The following DMXL1 variants were observed in gnomAD, a reference collection of about 807,000 sequenced individuals.
DMXL1 encodes the protein dmX-like protein 1.
DMXL1 carries 99 observed loss-of-function variants against 319.2 expected under a neutral mutation model. That is an observed-to-expected ratio of 0.31 (90% CI 0.26 to 0.37). DMXL1 has a LOEUF of 0.37. Among genes scored for constraint, DMXL1 ranks in the 10% least tolerant of loss-of-function variants. DMXL1 has a pLI of 1.00. For missense variants in DMXL1, 3,745 were observed against 3,595.6 expected (o/e 1.04, Z -1.06); for synonymous variants, 1,385 against 1,235.2 (o/e 1.12, Z -2.54).
In DMXL1 at chr5:119,229,855, C is replaced by A. The variant is rs1313049130; in HGVS notation, c.8339-3485C>A. Among the ~76,000 whole-genome samples, 4 of 152,108 alleles carry A rather than the reference C, an allele frequency of 2.6e-5. No homozygotes were observed. The East Asian group carries it at 7.7e-4, about 29-fold the overall frequency. On this transcript the variant is annotated intron_variant, in intron 38 of 43. Coordinates refer to ENST00000539542, the MANE Select transcript of DMXL1 (RefSeq NM_001290321.3). ...CTTTCATAATTTACAGAAGCATGTT[C>A]TTTTTCATAGTATAGTTTTTCAGTG... is the stretch of plus-strand genomic sequence containing the variant.
chr5:119,224,984 TG>T (rs1197955069), intron 38 of DMXL1, among the ~76,000 whole-genome samples: 1 of 152,044 alleles, frequency 6.6e-6, no homozygotes, highest in Non-Finnish European at 1.5e-5. Flanking sequence ...GCTGATTTAA[TG>T]AAGTAAATTT....
chr5:119,129,331 T>C lies in DMXL1; in HGVS notation c.1223T>C (p.Val408Ala), dbSNP rs1464350844. The C allele has an allele frequency of 6.2e-7, 1 of 1,613,618 alleles. No homozygotes were observed. The highest frequency in any genetic ancestry group is 1.3e-5 in the African/African-American group (1 of 74,876). Residue 408 changes from valine (V) to alanine (A), a missense_variant, in exon 10 of 44, where the codon GTT becomes GCT. Around this residue, in one of 4 missense-constraint regions of DMXL1, gnomAD observed 2,096 missense variants for 1,985.4 expected, o/e 1.06. Transcript: ENST00000539542. ...KELHFTLSME[V>A]FLQQLRKSFE... ...CTGCATTTTACTTTGTCCATGGAAGTTTTTTTACAGCAACTTAGAAAAAGT... is the reference window on the plus strand; with the variant it reads ...CTGCATTTTACTTTGTCCATGGAAGCTTTTTTACAGCAACTTAGAAAAAGT...
chr5:119,096,177 AT>A (rs74454483), intron 1 of DMXL1, among the ~76,000 whole-genome samples: 59,253 of 141,898 alleles, frequency 0.42, 13,117 homozygotes, highest in East Asian at 0.91. Flanking sequence ...ATGAAGTATA[AT>A]TTTTTTTTTT....
At chr5:119,196,515 G>GTTT (rs537016412) in intron 31 of DMXL1, 59 bp downstream of exon 31, 2,496 of 557,884 alleles carry the variant, frequency 4.5e-3, no homozygotes, top group South Asian at 8.8e-3. Flanking sequence ...CTACTCTGTT[G>GTTT]TTTTTTTTTT....
intron 1 of DMXL1, among the ~76,000 whole-genome samples, chr5:119,074,978 G>A (rs900131039): frequency 1.3e-5 from 2 of 152,006 alleles, no homozygotes; most frequent in African/African-American, 4.8e-5. Context: ...TATTCATAGA[G>A]TTGCTACATG....
At chr5:119,098,571 A>G (rs1756519016) in intron 2 of DMXL1, among the ~76,000 whole-genome samples, 3 of 152,238 alleles carry the variant, frequency 2.0e-5, no homozygotes, top group Admixed American at 2.0e-4. Context: ...TAAGCCCATA[A>G]GAAAAGTGAA....
At chr5:119,220,740 C>A in intron 36 of DMXL1, 147 bp downstream of exon 36, 1 of 1,191,884 alleles carries the variant, frequency 8.4e-7, no homozygotes, top group Non-Finnish European at 1.2e-6. Context: ...GTGGCAAGAG[C>A]TTTAAATAAG....
chr5:119,175,233 TTAAAG>T (rs780493142), intron 25 of DMXL1, 23 bp from the exon 26 acceptor site: 16 of 1,573,300 alleles, frequency 1.0e-5, no homozygotes, highest in South Asian at 4.6e-5. Context: ...AAGGTTATAC[TTAAAG>T]TAATTTTGTT....
chr5:119,247,750 A>G lies in DMXL1; in HGVS notation c.*531A>G, dbSNP rs17145034. 0.056 allele frequency: 8,478 copies of G among 152,752 alleles called. 712 individuals are homozygous for G. Among genetic ancestry groups the G allele is most frequent in the African/African-American group, 0.18 (7,511 of 41,482 alleles). 9.5% of individuals were successfully genotyped at this position (152,752 alleles called of 1,614,324 possible). The stretch of plus-strand genomic sequence containing the variant: ...AGTGATAAATGAGCTAGATGGCTCA[A>G]TATGTAAGGTTTTCAGTAGTTTACC... On this transcript the variant is annotated 3_prime_UTR_variant, in exon 44 of 44. Coordinates refer to ENST00000539542, the MANE Select transcript of DMXL1 (RefSeq NM_001290321.3).
chr5:119,193,069 T>C (rs1778976243), intron 29 of DMXL1, among the ~76,000 whole-genome samples: 2 of 152,200 alleles, frequency 1.3e-5, no homozygotes, highest in South Asian at 4.1e-4. Context: ...CTGTTTTAGT[T>C]ACTGATGTCT....
At chr5:119,179,017 A>C (rs1049687167) in intron 28 of DMXL1, among the ~76,000 whole-genome samples, 2 of 152,204 alleles carry the variant, frequency 1.3e-5, no homozygotes, top group Non-Finnish European at 2.9e-5. Context: ...AAACATTTCA[A>C]ATTAGGCTGC....
rs745588106 is a variant in DMXL1, at chr5:119,171,898, C to A, written c.6610C>A (p.Leu2204Met). The change falls in exon 25 of 44, where the codon CTG becomes ATG. Residue 2204 changes from leucine to methionine, a missense_variant. Around this residue, in one of 4 missense-constraint regions of DMXL1, gnomAD observed 1,382 missense variants for 1,269.5 expected, o/e 1.09. Transcript: ENST00000539542. ...VANPLLHLSN[L>M]THDILHAIIN... ...CAATCCATTATTGCACCTTAGTAAT[C>A]TGACACATGATATTCTCCATGCCAT... 3.1e-6 allele frequency: 5 copies of A among 1,613,908 alleles called. No individual in the cohort carries two copies. In the East Asian group the frequency reaches 1.1e-4, roughly 36 times the overall value.
At chr5:119,196,970 A>G (rs1779751859) in intron 31 of DMXL1, among the ~76,000 whole-genome samples, 1 of 152,198 alleles carries the variant, frequency 6.6e-6, no homozygotes, top group African/African-American at 2.4e-5. Flanking sequence ...CCGTAGTAGT[A>G]AATCAGTAGG....
In DMXL1 at chr5:119,148,960, A is replaced by G. The variant is rs750882680; in HGVS notation, c.3133A>G (p.Arg1045Gly). Residue 1045 changes from arginine (R) to glycine (G), a missense_variant, in exon 18 of 44, where the codon AGG (arginine) becomes GGG (glycine). Physicochemically the swap from Arg to Gly is moderately radical, Grantham distance 125. Around this residue, in one of 4 missense-constraint regions of DMXL1, gnomAD observed 2,096 missense variants for 1,985.4 expected, o/e 1.06. Coordinates refer to ENST00000539542, the MANE Select transcript of DMXL1 (RefSeq NM_001290321.3). ...QSNSSITVPG[R>G]PVEVSCAHTN... Reference sequence around the variant, plus strand: ...CAATAGTAGTATAACTGTACCTGGTAGGCCTGTAGAAGTTAGCTGTGCACA... The same window carrying G: ...CAATAGTAGTATAACTGTACCTGGTGGGCCTGTAGAAGTTAGCTGTGCACA... 24 of 1,613,838 alleles carry G rather than the reference A, an allele frequency of 1.5e-5. No individual in the cohort carries two copies. The highest frequency in any genetic ancestry group is 1.6e-4 in the Middle Eastern group (1 of 6,082).
intron 9 of DMXL1, 135 bp downstream of exon 9, chr5:119,121,274 T>C: frequency 1.8e-5 from 11 of 623,420 alleles, no homozygotes; most frequent in Non-Finnish European, 2.4e-5. Context: ...TTTTTTTTTC[T>C]TTTTTTTTAA....
chr5:119,123,324 G>C (rs957598318), intron 9 of DMXL1, among the ~76,000 whole-genome samples: 1 of 127,494 alleles, frequency 7.8e-6, no homozygotes, highest in African/African-American at 2.6e-5. Flanking sequence ...GTGGAAAGGG[G>C]AGAGGGAGAG....
At chr5:119,161,961 T>A (rs981724277) in intron 19 of DMXL1, among the ~76,000 whole-genome samples, 2 of 152,216 alleles carry the variant, frequency 1.3e-5, no homozygotes, top group Non-Finnish European at 2.9e-5. Flanking sequence ...CTTTCTTTGT[T>A]TCTACGCAAC....
chr5:119,187,788 G>T (rs183579406), intron 28 of DMXL1, among the ~76,000 whole-genome samples: 1 of 151,962 alleles, frequency 6.6e-6, no homozygotes, highest in Non-Finnish European at 1.5e-5. Context: ...TCAGCCTCCC[G>T]AGTAGCTGGG....
intron 37 of DMXL1, among the ~76,000 whole-genome samples, chr5:119,224,322 C>A (rs968995295): frequency 6.6e-6 from 1 of 152,026 alleles, no homozygotes; most frequent in Non-Finnish European, 1.5e-5. Flanking sequence ...TGAGTAAATA[C>A]ATAGTTCCAA....
Sources: allele counts gnomAD v4.1 joint callset (sites outside exome capture counted in the v4.1 genomes callset), GRCh38; gene constraint gnomAD v4.1.1; regional missense constraint gnomAD v4.1.1; transcripts MANE v1.5; gene names NCBI Gene and HGNC (gene_info 2026-07-23, HGNC 2026-07-21).